AFTPH: variants seen among roughly 807,000 people sequenced by gnomAD.
AFTPH encodes aftiphilin.
Under a neutral mutation model 72.5 loss-of-function variants are expected in AFTPH, and 7 were observed. The ratio of observed to expected loss-of-function variants is 0.10; its 90% CI spans 0.05 to 0.18. AFTPH has a LOEUF of 0.18. AFTPH is among the 10% of genes least tolerant of loss of function. AFTPH has a pLI of 1.00. For missense variants in AFTPH, 979 were observed against 1,060.5 expected, an observed-to-expected ratio of 0.92 and a Z score of 1.07; for synonymous variants, 337 against 370.1, an observed-to-expected ratio of 0.91 and a Z score of 1.03.
At chr2:64,541,532 A>G (rs1670252477) in intron 1 of AFTPH, among the ~76,000 whole-genome samples, 1 of 152,208 alleles carries the variant, frequency 6.6e-6, no homozygotes, top group Non-Finnish European at 1.5e-5. Context: ...ATTGAAAACC[A>G]AAAAGTTAAC....
intron 1 of AFTPH, among the ~76,000 whole-genome samples, chr2:64,546,628 A>C (rs1258857278): frequency 1.3e-5 from 2 of 152,282 alleles, no homozygotes; most frequent in East Asian, 3.9e-4. Flanking sequence ...GTCAATACAA[A>C]TAAATTTTTT....
chr2:64,529,601 T>A (rs151212845), intron 1 of AFTPH, among the ~76,000 whole-genome samples: 5 of 151,034 alleles, frequency 3.3e-5, no homozygotes, highest in African/African-American at 1.2e-4. Context: ...AGGAGCATCA[T>A]AGAAAATAGA....
At chr2:64,553,924 CT>C (rs1300189423) in intron 2 of AFTPH, among the ~76,000 whole-genome samples, 1 of 151,738 alleles carries the variant, frequency 6.6e-6, no homozygotes, top group African/African-American at 2.4e-5. Flanking sequence ...AAACCTCATT[CT>C]GTGCCAAAGG....
intron 2 of AFTPH, among the ~76,000 whole-genome samples, chr2:64,557,784 G>A (rs889156036): frequency 6.6e-6 from 1 of 152,242 alleles, no homozygotes; most frequent in Non-Finnish European, 1.5e-5. Flanking sequence ...GAATTAAGAT[G>A]TAAGACTTTA....
At chr2:64,542,533 A>G (rs1402109474) in intron 1 of AFTPH, among the ~76,000 whole-genome samples, 1 of 152,066 alleles carries the variant, frequency 6.6e-6, no homozygotes, top group Admixed American at 6.5e-5. Flanking sequence ...CTTTTAACAG[A>G]CTGGTCACTG....
chr2:64,575,703 ATGTGTGTGTGTGTG>A (rs149890368), intron 6 of AFTPH, among the ~76,000 whole-genome samples: 602 of 145,804 alleles, frequency 4.1e-3, no homozygotes, highest in East Asian at 5.9e-3. Context: ...ATGTGTGTAT[ATGTGTGTGTGTGTG>A]TGTGTGTGTG....
At chr2:64,559,117 T>A (rs1227247535) in intron 2 of AFTPH, among the ~76,000 whole-genome samples, 1 of 152,222 alleles carries the variant, frequency 6.6e-6, no homozygotes, top group Non-Finnish European at 1.5e-5. Context: ...GGCATTTGAA[T>A]GGCATAAGAA....
chr2:64,527,764 G>A (rs1669366472), intron 1 of AFTPH, among the ~76,000 whole-genome samples: 1 of 152,138 alleles, frequency 6.6e-6, no homozygotes, highest in Admixed American at 6.5e-5. Flanking sequence ...ATTAAGAATT[G>A]TTTGCCTCTC....
chr2:64,567,566 C>T, exon 3 of AFTPH: 2 of 1,603,448 alleles, frequency 1.2e-6, no homozygotes, highest in African/African-American at 2.7e-5. Flanking sequence ...ATGCAGACAG[C>T]TTTATTAAAC....
chr2:64,535,381 G>GA (rs370413454), intron 1 of AFTPH, among the ~76,000 whole-genome samples: 32 of 152,186 alleles, frequency 2.1e-4, no homozygotes, highest in African/African-American at 7.7e-4. Context: ...CCTATTAGGG[G>GA]AAAAAAACAT....
intron 1 of AFTPH, among the ~76,000 whole-genome samples, chr2:64,532,198 A>C (rs1466105614): frequency 6.9e-6 from 1 of 145,684 alleles, no homozygotes; most frequent in Non-Finnish European, 1.5e-5. Flanking sequence ...GTAAGTGCAA[A>C]GACCCTGTGG....
At chr2:64,591,859 A>G in intron 8 of AFTPH, 29 bp from the exon 10 acceptor site, 1 of 1,612,182 alleles carries the variant, frequency 6.2e-7, no homozygotes, top group Non-Finnish European at 8.5e-7. Flanking sequence ...TCACATTAAC[A>G]CACTTGTCTT....
intron 8 of AFTPH, among the ~76,000 whole-genome samples, chr2:64,591,670 A>G (rs1673832978): frequency 6.6e-6 from 1 of 152,208 alleles, no homozygotes; most frequent in African/African-American, 2.4e-5. Flanking sequence ...CCTAGCTTTA[A>G]TGAACATAAA....
intron 1 of AFTPH, among the ~76,000 whole-genome samples, chr2:64,546,645 G>A (rs1978404): frequency 0.49 from 73,939 of 151,590 alleles, 21,485 homozygotes; most frequent in African/African-American, 0.82. Flanking sequence ...TTTTTTCTGG[G>A]ACAATTTAAG....
At chr2:64,530,222 C>T (rs879535861) in intron 1 of AFTPH, among the ~76,000 whole-genome samples, 6 of 152,246 alleles carry the variant, frequency 3.9e-5, no homozygotes, top group Admixed American at 3.9e-4. Flanking sequence ...TTTTCCTACA[C>T]ATTTTAATAT....
At chr2:64,551,488 T>C in exon 2 of AFTPH, 1 of 1,613,414 alleles carries the variant, frequency 6.2e-7, no homozygotes, top group Non-Finnish European at 8.5e-7. Context: ...GAGCCAGACA[T>C]CATTCGAATG....
chr2:64,541,084 C>A (rs1376292447), intron 1 of AFTPH, among the ~76,000 whole-genome samples: 2 of 152,092 alleles, frequency 1.3e-5, no homozygotes, highest in African/African-American at 4.8e-5. Flanking sequence ...GATTACTTAA[C>A]CTCTTTGAGC....
chr2:64,582,975 C>T (rs1347145739), intron 7 of AFTPH, among the ~76,000 whole-genome samples: 3 of 152,184 alleles, frequency 2.0e-5, no homozygotes, highest in African/African-American at 7.2e-5. Flanking sequence ...TGGTCAAATG[C>T]AGTTCTCATT....
intron 7 of AFTPH, among the ~76,000 whole-genome samples, chr2:64,582,889 C>T (rs1673295598): frequency 6.6e-6 from 1 of 152,148 alleles, no homozygotes; most frequent in African/African-American, 2.4e-5. Flanking sequence ...ACCTGATAAT[C>T]AGGCTCAGTG....
Sources: gnomAD v4.1 joint callset for allele counts (sites outside exome capture counted in the v4.1 genomes callset) on GRCh38, gnomAD v4.1.1 for gene constraint, MANE v1.5 for transcripts, NCBI Gene and HGNC (gene_info 2026-07-23, HGNC 2026-07-21) for gene names.